The following RNF187 variants were observed in gnomAD, a reference collection of about 807,000 sequenced individuals.
The protein encoded by RNF187 is ring finger protein 187.
A neutral mutation model predicts 22.2 loss-of-function variants in RNF187; 18 were observed. The observed-to-expected ratio is 0.81, with a 90% CI of 0.56 to 1.20. The LOEUF (loss-of-function observed/expected upper bound fraction) is 1.20, where lower values mean the gene tolerates loss of function less well. Ranked by LOEUF, RNF187 falls within the 50% of genes most tolerant of loss-of-function variation. The pLI, the probability that RNF187 is intolerant of heterozygous loss-of-function variation, is 0.00. For synonymous variants in RNF187, 164 were observed against 140.9 expected (o/e 1.16, Z -1.16); for missense variants, 329 against 317.6 (o/e 1.04, Z -0.27).
In RNF187 at chr1:228,487,420, G is replaced by A. The variant is rs1658857591; in HGVS notation, c.-69G>A. 9.3e-7 allele frequency: 1 copy of A among 1,076,762 alleles called. No homozygotes were observed. The highest frequency in any genetic ancestry group is 1.7e-5 in the African/African-American group (1 of 58,780). 66.7% of individuals were successfully genotyped at this position (1,076,762 alleles called of 1,614,324 possible). A position where few individuals can be genotyped will look rare whatever the true frequency, so the allele number is the denominator to read the frequency against. On this transcript the variant is annotated 5_prime_UTR_variant, in exon 1 of 4. Transcript: ENST00000305943. ...TCCTGTTGCTGGTCTCCGTCCGGTCGCCGGCCGTCTAGGTCTCCGGCCCTC... is the reference window on the plus strand; with the variant it reads ...TCCTGTTGCTGGTCTCCGTCCGGTCACCGGCCGTCTAGGTCTCCGGCCCTC...
At position 228,494,365 on chromosome 1, in the gene RNF187, C is replaced by A; in HGVS notation, c.*480C>A. The A allele has an allele frequency of 9.8e-7, 1 of 1,022,610 alleles. No homozygotes were observed. Among genetic ancestry groups the A allele is most frequent in the East Asian group, 8.9e-5 (1 of 11,260 alleles). The allele number at this position is 1,022,610 out of a possible 1,614,324, so 63.3% of individuals were successfully genotyped here. ...CTGTGAAGGCTGGAACTCAGGTCTTCAGGGAGAGAAAGGAAGACTGGATTG... is the reference window on the plus strand; with the variant it reads ...CTGTGAAGGCTGGAACTCAGGTCTTAAGGGAGAGAAAGGAAGACTGGATTG... On this transcript the variant is annotated 3_prime_UTR_variant, in exon 4 of 4. Transcript: ENST00000305943.
In RNF187 at chr1:228,488,967, AG is replaced by A; in HGVS notation, c.402del (p.Ser135LeufsTer5). The A allele has an allele frequency of 6.4e-7, 1 of 1,551,152 alleles. No individual in the cohort carries two copies. Among genetic ancestry groups the A allele is most frequent in the East Asian group, 2.4e-5 (1 of 40,916 alleles). On this transcript the variant is annotated frameshift_variant, in exon 2 of 4. Transcript: ENST00000305943. LOFTEE classifies it high-confidence loss of function. ...ACCTTCTTTTCTTTACAGGAGAACA[AG>A]GGGTCTGTGGAAATCATGAGAAAGG...
chr1:228,488,862 A>T, intron 1 of RNF187, 98 bp from the exon 2 acceptor site: 1 of 949,150 alleles, frequency 1.1e-6, no homozygotes, highest in Non-Finnish European at 1.6e-6. Context: ...GGATGGTCAG[A>T]CTGTGTGCAG....
rs1183115464 is a variant in RNF187 at position 228,487,850 on chromosome 1, C to T, written c.362C>T (p.Pro121Leu). Residue 121 changes from proline to leucine, a missense_variant, in exon 1 of 4, where the codon CCG (proline) becomes CTG (leucine). By Grantham distance (98) the Pro-to-Leu change is moderately conservative. Transcript: ENST00000305943. ...GGCCCCGAGCCGCCCGAGTGGGAAC[C>T]GCGCTGGAGGAAGGCGCTGCGCGGC... 2 of 1,230,656 alleles carry T rather than the reference C, an allele frequency of 1.6e-6. No homozygotes were observed. The highest frequency in any genetic ancestry group is 4.2e-5 in the Admixed American group (1 of 23,926). 76.2% of individuals were successfully genotyped at this position (1,230,656 alleles called of 1,614,324 possible).
In RNF187 at chr1:228,487,599, G is replaced by C; in HGVS notation, c.111G>C (p.Val37=). 1 of 1,263,922 alleles carries C rather than the reference G, an allele frequency of 7.9e-7. No homozygotes were observed. Among genetic ancestry groups the C allele is most frequent in the Non-Finnish European group, 1.0e-6 (1 of 990,870 alleles). The allele number at this position is 1,263,922 out of a possible 1,614,324, so 78.3% of individuals were successfully genotyped here. A position where few individuals can be genotyped will look rare whatever the true frequency, so the allele number is the denominator to read the frequency against. ...ACCGCTTCTGTCGGGCGTGCGTGGT[G>C]CGCTTCTGGGCCGAGGAGGACGGGC... The change falls in exon 1 of 4, where the codon GTG becomes GTC. Residue 37 remains valine, a synonymous_variant. Coordinates refer to ENST00000305943, the MANE Select transcript of RNF187 (RefSeq NM_001010858.3).
At chr1:228,488,821 C>T in intron 1 of RNF187, 139 bp from the exon 2 acceptor site, 2 of 667,612 alleles carry the variant, frequency 3.0e-6, no homozygotes, top group Non-Finnish European at 5.2e-6. Context: ...GCGTTCCTGC[C>T]CTAGACAACC....
Position 228,495,571 on chromosome 1 carries a change from C to T in RNF187, c.*1686C>T. ...TGCTGTCATCCCTGAGCATCCCTGC[C>T]CCTGCCCTGCACACCTGTGATGCTT... On this transcript the variant is annotated 3_prime_UTR_variant, in exon 4 of 4. Transcript: ENST00000305943. The T allele has an allele frequency of 1.2e-5, 12 of 985,406 alleles. No individual in the cohort carries two copies. The highest frequency in any genetic ancestry group is 1.7e-5 in the African/African-American group (1 of 57,192). The allele number at this position is 985,406 out of a possible 1,614,324, so 61.0% of individuals were successfully genotyped here. A position where few individuals can be genotyped will look rare whatever the true frequency, so the allele number is the denominator to read the frequency against.
In RNF187 at chr1:228,493,183, C is replaced by A; in HGVS notation, c.614C>A (p.Ala205Asp). 1.3e-6 allele frequency: 2 copies of A among 1,551,732 alleles called. No individual in the cohort carries two copies. The highest frequency in any genetic ancestry group is 1.7e-6 in the Non-Finnish European group (2 of 1,147,008). ...GAGGGGCTCCCTGAGGACGAGCTGG[C>A]TGACCCCACTGAGCGGTTCAGGTCA... The change falls in exon 3 of 4, where the codon GCT (alanine) becomes GAT (aspartate). Residue 205 changes from alanine to aspartate, a missense_variant. By Grantham distance (126) the Ala-to-Asp change is moderately radical. Coordinates refer to ENST00000305943, the MANE Select transcript of RNF187 (RefSeq NM_001010858.3). The surrounding 1 kb of genome is among the most constrained non-coding windows in gnomAD (Gnocchi z 4.7).
chr1:228,488,203 C>T, intron 1 of RNF187: 1 of 155,384 alleles, frequency 6.4e-6, no homozygotes, highest in African/African-American at 2.4e-5. Flanking sequence ...CCACCAGCGC[C>T]CATCTTTGTG....
chr1:228,495,326 C>T lies in RNF187; in HGVS notation c.*1441C>T. 1 of 317,138 alleles carries T rather than the reference C, an allele frequency of 3.2e-6. No individual in the cohort carries two copies. Among genetic ancestry groups the T allele is most frequent in the Non-Finnish European group, 4.6e-6 (1 of 219,110 alleles). The allele number at this position is 317,138 out of a possible 1,614,324, so 19.6% of individuals were successfully genotyped here. ...TGGCTGCAAACGGTCAGAGAGGAACCCAGTCAGGTACCATTGAGGGTGGTC... is the reference window on the plus strand; with the variant it reads ...TGGCTGCAAACGGTCAGAGAGGAACTCAGTCAGGTACCATTGAGGGTGGTC... On this transcript the variant is annotated 3_prime_UTR_variant, in exon 4 of 4. Transcript: ENST00000305943.
Position 228,494,337 on chromosome 1 carries a change from G to A in RNF187, c.*452G>A. On this transcript the variant is annotated 3_prime_UTR_variant, in exon 4 of 4. Transcript: ENST00000305943. Reference sequence around the variant, plus strand: ...ATCCAGAAAGAAGAATGCGCATGACGCTCTGTGAAGGCTGGAACTCAGGTC... The same window carrying A: ...ATCCAGAAAGAAGAATGCGCATGACACTCTGTGAAGGCTGGAACTCAGGTC... 9 of 1,049,628 alleles carry A rather than the reference G, an allele frequency of 8.6e-6. No individual in the cohort carries two copies. The highest frequency in any genetic ancestry group is 1.6e-5 in the African/African-American group (1 of 60,676). 65.0% of individuals were successfully genotyped at this position (1,049,628 alleles called of 1,614,324 possible).
chr1:228,487,413 T>A lies in RNF187; in HGVS notation c.-76T>A. On this transcript the variant is annotated 5_prime_UTR_variant, in exon 1 of 4. Coordinates refer to ENST00000305943, the MANE Select transcript of RNF187 (RefSeq NM_001010858.3). The stretch of plus-strand genomic sequence containing the variant: ...GTCTTCGTCCTGTTGCTGGTCTCCG[T>A]CCGGTCGCCGGCCGTCTAGGTCTCC... 9.3e-7 allele frequency: 1 copy of A among 1,071,142 alleles called. No individual in the cohort carries two copies. The highest frequency in any genetic ancestry group is 1.1e-6 in the Non-Finnish European group (1 of 887,632). The allele number at this position is 1,071,142 out of a possible 1,614,324, so 66.4% of individuals were successfully genotyped here.
At position 228,494,054 on chromosome 1, in the gene RNF187, G is replaced by A; in HGVS notation, c.*169G>A. 14 of 1,511,086 alleles carry A rather than the reference G, an allele frequency of 9.3e-6. No individual in the cohort carries two copies. The highest frequency in any genetic ancestry group is 3.8e-5 in the South Asian group (3 of 79,122). The allele number at this position is 1,511,086 out of a possible 1,614,324, so 93.6% of individuals were successfully genotyped here. ...GTCCATTTATCCTTCACCCCGAGGC[G>A]TGTTTTGGGGGCTGCAAACACCTCC... On this transcript the variant is annotated 3_prime_UTR_variant, in exon 4 of 4. Coordinates refer to ENST00000305943, the MANE Select transcript of RNF187 (RefSeq NM_001010858.3).
Position 228,494,766 on chromosome 1 carries a change from A to G in RNF187, c.*881A>G. ...TAGATAAATTAGTCGACAGAAACTC[A>G]GCACTGGGGACAGGATTGCAAAGTC... On this transcript the variant is annotated 3_prime_UTR_variant, in exon 4 of 4. Transcript: ENST00000305943. 5.1e-6 allele frequency: 5 copies of G among 985,094 alleles called. 1 individual carries two copies. In the South Asian group the frequency reaches 1.4e-4, roughly 28 times the overall value. 61.0% of individuals were successfully genotyped at this position (985,094 alleles called of 1,614,324 possible).
chr1:228,487,478 C>T lies in RNF187; in HGVS notation c.-11C>T. ...GCTCCTGCGCCCTTGCCGGCCCCGC[C>T]GCCCGCAGCCCTGGCGCTCCCTGCG... On this transcript the variant is annotated 5_prime_UTR_variant, in exon 1 of 4. Transcript: ENST00000305943. 2 of 1,114,806 alleles carry T rather than the reference C, an allele frequency of 1.8e-6. No individual in the cohort carries two copies. Among genetic ancestry groups the T allele is most frequent in the South Asian group, 4.3e-5 (1 of 23,392 alleles). 69.1% of individuals were successfully genotyped at this position (1,114,806 alleles called of 1,614,324 possible).
Position 228,493,179 on chromosome 1 carries a change from C to A in RNF187, c.610C>A (p.Leu204Met). 1 of 1,551,746 alleles carries A rather than the reference C, an allele frequency of 6.4e-7. No homozygotes were observed. The highest frequency in any genetic ancestry group is 8.7e-7 in the Non-Finnish European group (1 of 1,147,000). The change falls in exon 3 of 4, where the codon CTG becomes ATG. Residue 204 changes from leucine to methionine, a missense_variant. Leu to Met is a conservative substitution (Grantham distance 15, BLOSUM62 2). Transcript: ENST00000305943. This position sits in a 1 kb window ranked among gnomAD's most constrained non-coding sequence, Gnocchi z 4.7. ...GGAGGAGGGGCTCCCTGAGGACGAG[C>A]TGGCTGACCCCACTGAGCGGTTCAG...
Position 228,494,554 on chromosome 1 carries a change from G to T in RNF187, c.*669G>T. ...GCTCCACCTGCCTCCGCAGAAGGAAGCCTCTTTCTCTGTTTCCCTGGGTGA... is the reference window on the plus strand; with the variant it reads ...GCTCCACCTGCCTCCGCAGAAGGAATCCTCTTTCTCTGTTTCCCTGGGTGA... On this transcript the variant is annotated 3_prime_UTR_variant, in exon 4 of 4. Transcript: ENST00000305943. The T allele has an allele frequency of 1.4e-5, 14 of 985,918 alleles. No homozygotes were observed. The East Asian group carries it at 1.3e-3, about 88-fold the overall frequency. 61.1% of individuals were successfully genotyped at this position (985,918 alleles called of 1,614,324 possible). A position where few individuals can be genotyped will look rare whatever the true frequency, so the allele number is the denominator to read the frequency against.
In RNF187 at chr1:228,494,398, A is replaced by T; in HGVS notation, c.*513A>T. 9.9e-7 allele frequency: 1 copy of T among 1,010,434 alleles called. No individual in the cohort carries two copies. Among genetic ancestry groups the T allele is most frequent in the African/African-American group, 1.7e-5 (1 of 58,532 alleles). The allele number at this position is 1,010,434 out of a possible 1,614,324, so 62.6% of individuals were successfully genotyped here. ...GAAAGGAAGACTGGATTGCACCTTG[A>T]TGCCTCCTGAGGAGGCGGCCCCCCT... On this transcript the variant is annotated 3_prime_UTR_variant, in exon 4 of 4. Transcript: ENST00000305943.
rs1267767186 is a variant in RNF187 at position 228,487,431 on chromosome 1, A to G, written c.-58A>G. ...GTCTCCGTCCGGTCGCCGGCCGTCT[A>G]GGTCTCCGGCCCTCCCCAGCCGCTC... On this transcript the variant is annotated 5_prime_UTR_variant, in exon 1 of 4. Coordinates refer to ENST00000305943, the MANE Select transcript of RNF187 (RefSeq NM_001010858.3). The G allele has an allele frequency of 2.1e-5, 23 of 1,087,072 alleles. No individual in the cohort carries two copies. The highest frequency in any genetic ancestry group is 2.6e-5 in the Non-Finnish European group (23 of 897,128). 67.3% of individuals were successfully genotyped at this position (1,087,072 alleles called of 1,614,324 possible).
Sources: gnomAD v4.1 joint callset for allele counts on GRCh38, gnomAD v4.1.1 for gene constraint, Gnocchi (gnomAD v3.1) non-coding constraint, MANE v1.5 for transcripts, NCBI Gene and HGNC (gene_info 2026-07-23, HGNC 2026-07-21) for gene names.